PTPRM: variants seen among roughly 807,000 people sequenced by gnomAD.
The protein encoded by PTPRM is protein tyrosine phosphatase receptor type M.
In PTPRM, 47 loss-of-function variants were observed where a neutral mutation model predicts 186.7. The ratio of observed to expected loss-of-function variants is 0.25; its 90% CI spans 0.20 to 0.32. The LOEUF (loss-of-function observed/expected upper bound fraction) is 0.32. Ranked by LOEUF, PTPRM falls within the 10% of genes least tolerant of loss-of-function variation. The probability of loss-of-function intolerance (pLI) is 1.00; values close to 1 mark genes in which losing one functional copy is unlikely to be tolerated. For synonymous variants in PTPRM, 668 were observed against 674.9 expected, an observed-to-expected ratio of 0.99 and a Z score of 0.16; for missense variants, 1,494 against 1,865.0, an observed-to-expected ratio of 0.80 and a Z score of 3.66.
chr18:8,215,545 C>CTTTTTTTTTTTTTTTTTTTT (rs11334182), intron 14 of PTPRM, among the ~76,000 whole-genome samples: 1 of 116,324 alleles, frequency 8.6e-6, no homozygotes, highest in African/African-American at 3.1e-5. Context: ...TCTTTCTTTT[C>CTTTTTTTTTTTTTTTTTTTT]TTTTTTTTTT....
At chr18:7,574,468 T>C (rs973489503) in intron 1 of PTPRM, among the ~76,000 whole-genome samples, 7 of 152,272 alleles carry the variant, frequency 4.6e-5, no homozygotes, top group African/African-American at 1.7e-4. Flanking sequence ...TAATTCTTAT[T>C]GAAATATTTA....
chr18:8,196,275 CAGGAAA>C (rs1296348305), intron 14 of PTPRM, among the ~76,000 whole-genome samples: 8 of 152,164 alleles, frequency 5.3e-5, no homozygotes, highest in African/African-American at 1.9e-4. Context: ...TGCCTTAGAT[CAGGAAA>C]AGGTCATCAC....
At chr18:7,982,212 T>A (rs1290229317) in intron 7 of PTPRM, among the ~76,000 whole-genome samples, 1 of 152,190 alleles carries the variant, frequency 6.6e-6, no homozygotes, top group East Asian at 1.9e-4. Flanking sequence ...ACAAACACAT[T>A]GTACAACTGT....
chr18:8,022,950 A>T (rs189488095), intron 7 of PTPRM, among the ~76,000 whole-genome samples: 22 of 152,318 alleles, frequency 1.4e-4, no homozygotes, highest in Admixed American at 1.0e-3. Flanking sequence ...CTTTCCAAGG[A>T]CACCTCAGCC....
At chr18:8,139,119 A>G (rs1415560889) in intron 13 of PTPRM, among the ~76,000 whole-genome samples, 2 of 151,946 alleles carry the variant, frequency 1.3e-5, no homozygotes, top group African/African-American at 4.8e-5. Context: ...TCTCTTTTGT[A>G]TGTCAAATAT....
At chr18:8,367,278 G>T (rs1268499482) in intron 23 of PTPRM, among the ~76,000 whole-genome samples, 1 of 152,340 alleles carries the variant, frequency 6.6e-6, no homozygotes, top group East Asian at 1.9e-4. Flanking sequence ...GGGAGGACCG[G>T]ATTCGAAATG....
intron 1 of PTPRM, among the ~76,000 whole-genome samples, chr18:7,743,707 G>A: frequency 6.6e-6 from 1 of 152,140 alleles, no homozygotes; most frequent in Non-Finnish European, 1.5e-5. Flanking sequence ...AACAGAAAAG[G>A]AGTTTATACG....
chr18:7,749,237 TCACCCAACTGCATTTCGG>T (rs989245574), intron 1 of PTPRM: 1 of 151,970 alleles, frequency 6.6e-6, no homozygotes, highest in African/African-American at 2.4e-5. Context: ...GTTGTTCTTC[TCACCCAACTGCATTTCGG>T]CACCCTTTTA....
chr18:7,862,404 A>AG (rs1397648678), intron 2 of PTPRM, among the ~76,000 whole-genome samples: 1 of 152,228 alleles, frequency 6.6e-6, no homozygotes, highest in African/African-American at 2.4e-5. Context: ...ATTTGAAGGA[A>AG]GTGCCACATT....
intron 29 of PTPRM, among the ~76,000 whole-genome samples, chr18:8,381,061 A>C (rs1481617622): frequency 9.2e-5 from 14 of 152,214 alleles, no homozygotes; most frequent in Admixed American, 9.2e-4. Flanking sequence ...AGAAGTTTGG[A>C]ATGATAAATG....
intron 4 of PTPRM, among the ~76,000 whole-genome samples, chr18:7,913,433 T>C (rs987356961): frequency 6.6e-6 from 1 of 152,204 alleles, no homozygotes. Context: ...GAGGAAAGCT[T>C]TCAGTCTTTT....
At chr18:7,775,885 C>A (rs2144996445) in intron 2 of PTPRM, among the ~76,000 whole-genome samples, 1 of 152,306 alleles carries the variant, frequency 6.6e-6, no homozygotes, top group African/African-American at 2.4e-5. Flanking sequence ...TAAATAATTT[C>A]TTGTCACCAT....
At chr18:8,211,237 G>A (rs1383369770) in intron 14 of PTPRM, among the ~76,000 whole-genome samples, 2 of 152,060 alleles carry the variant, frequency 1.3e-5, no homozygotes, top group Admixed American at 6.5e-5. Flanking sequence ...TTGCTAGGGC[G>A]GCCTCCTGCA....
intron 24 of PTPRM, chr18:8,371,924 C>T (rs2095664680): frequency 6.6e-6 from 1 of 152,102 alleles, no homozygotes; most frequent in Non-Finnish European, 1.5e-5. Flanking sequence ...GCACAGCTGC[C>T]CTGGACTTAG....
intron 2 of PTPRM, among the ~76,000 whole-genome samples, chr18:7,848,197 T>C (rs1490688434): frequency 6.6e-6 from 1 of 152,222 alleles, no homozygotes; most frequent in African/African-American, 2.4e-5. Context: ...CCTAATAGTC[T>C]GCTGGACTGA....
intron 3 of PTPRM, among the ~76,000 whole-genome samples, chr18:7,889,544 G>T (rs1051050984): frequency 6.6e-6 from 1 of 151,884 alleles, no homozygotes; most frequent in Non-Finnish European, 1.5e-5. Context: ...TTGCTATGTT[G>T]CCCAGGCTGG....
chr18:7,651,781 C>G (rs915351441), intron 1 of PTPRM, among the ~76,000 whole-genome samples: 92 of 152,282 alleles, frequency 6.0e-4, no homozygotes, highest in African/African-American at 2.1e-3. Flanking sequence ...AAACGTTAGA[C>G]CTAAAACCAT....
intron 1 of PTPRM, among the ~76,000 whole-genome samples, chr18:7,644,579 G>A (rs2038517537): frequency 6.6e-6 from 1 of 152,050 alleles, no homozygotes; most frequent in Non-Finnish European, 1.5e-5. Context: ...AGAAATATGA[G>A]TAGGGGAATA....
At chr18:7,614,968 CTT>C (rs752562230) in intron 1 of PTPRM, among the ~76,000 whole-genome samples, 1 of 152,146 alleles carries the variant, frequency 6.6e-6, no homozygotes, top group African/African-American at 2.4e-5. Context: ...GAGAATTAAA[CTT>C]TGATACTTCC....
Sources: gnomAD v4.1 joint callset for allele counts (sites outside exome capture counted in the v4.1 genomes callset) on GRCh38, gnomAD v4.1.1 for gene constraint, MANE v1.5 for transcripts, NCBI Gene and HGNC (gene_info 2026-07-23, HGNC 2026-07-21) for gene names.